The following QTMAN variants were observed in gnomAD, a reference collection of about 807,000 sequenced individuals.
QTMAN encodes the protein tRNA-queuosine alpha-mannosyltransferase.
chr2:144,324,130 T>G, the QTMAN span, among the ~76,000 whole-genome samples: 1 of 152,196 alleles, frequency 6.6e-6, no homozygotes, highest in East Asian at 1.9e-4. Context: ...AAGTGGAAAG[T>G]GATGAATCAT....
chr2:144,253,414 A>T, the QTMAN span, among the ~76,000 whole-genome samples: 1 of 152,308 alleles, frequency 6.6e-6, no homozygotes, highest in South Asian at 2.1e-4. Flanking sequence ...AGAGGTTGGA[A>T]CAGTTTGGAG....
At chr2:144,129,747 AT>A in the QTMAN span, among the ~76,000 whole-genome samples, 2 of 152,030 alleles carry the variant, frequency 1.3e-5, no homozygotes, top group Non-Finnish European at 2.9e-5. Context: ...ATTAAAAAGA[AT>A]TATAACTAGA....
At chr2:144,063,448 A>C in the QTMAN span, among the ~76,000 whole-genome samples, 1 of 152,210 alleles carries the variant, frequency 6.6e-6, no homozygotes, top group Non-Finnish European at 1.5e-5. Flanking sequence ...CAAATGCCTC[A>C]ATTACTTAAA....
chr2:144,230,964 G>A, the QTMAN span, among the ~76,000 whole-genome samples: 1 of 152,096 alleles, frequency 6.6e-6, no homozygotes, highest in Non-Finnish European at 1.5e-5. Context: ...CTAAAAAAGA[G>A]GAACTCATAT....
chr2:144,311,174 T>C, the QTMAN span, among the ~76,000 whole-genome samples: 6 of 152,216 alleles, frequency 3.9e-5, no homozygotes, highest in Admixed American at 6.5e-5. Context: ...CCTGGAGCCA[T>C]AGCTATTTAA....
the QTMAN span, among the ~76,000 whole-genome samples, chr2:144,193,662 A>T: frequency 6.6e-6 from 1 of 151,912 alleles, no homozygotes; most frequent in African/African-American, 2.4e-5. Flanking sequence ...CTGGAACTAC[A>T]GGTGCACACC....
the QTMAN span, among the ~76,000 whole-genome samples, chr2:144,302,480 T>C: frequency 1.3e-5 from 2 of 152,102 alleles, no homozygotes. Context: ...CAGAAAGGTG[T>C]ATCTTAGGAG....
At chr2:144,325,848 A>G in the QTMAN span, among the ~76,000 whole-genome samples, 3 of 152,364 alleles carry the variant, frequency 2.0e-5, no homozygotes, top group East Asian at 3.9e-4. Flanking sequence ...AGTTGCAGTC[A>G]TTGCATTTTT....
chr2:144,203,457 G>A, the QTMAN span, among the ~76,000 whole-genome samples: 6 of 152,260 alleles, frequency 3.9e-5, no homozygotes, highest in South Asian at 6.2e-4. Context: ...GAACTAGGCC[G>A]CGGTGTGTGC....
chr2:144,325,316 T>A, the QTMAN span, among the ~76,000 whole-genome samples: 3 of 152,206 alleles, frequency 2.0e-5, no homozygotes, highest in Non-Finnish European at 4.4e-5. Context: ...GGCTGTGGTG[T>A]ACCACCTAAA....
At chr2:144,295,617 T>C in the QTMAN span, among the ~76,000 whole-genome samples, 4 of 152,208 alleles carry the variant, frequency 2.6e-5, no homozygotes, top group South Asian at 2.1e-4. Context: ...TTTTTGTTTT[T>C]GTTTTTGTAT....
the QTMAN span, among the ~76,000 whole-genome samples, chr2:144,012,609 G>A: frequency 6.6e-6 from 1 of 152,206 alleles, no homozygotes; most frequent in African/African-American, 2.4e-5. Context: ...TGCCATGGTG[G>A]AATACACTCC....
the QTMAN span, among the ~76,000 whole-genome samples, chr2:144,329,280 T>C: frequency 1.5e-4 from 22 of 151,434 alleles, no homozygotes; most frequent in Non-Finnish European, 2.9e-4. Flanking sequence ...ATTATTCTGA[T>C]ATTAAAAAAA....
the QTMAN span, among the ~76,000 whole-genome samples, chr2:144,004,236 G>C: frequency 8.2e-4 from 125 of 152,104 alleles, no homozygotes; most frequent in African/African-American, 2.9e-3. Context: ...CAAGGATGGG[G>C]GAGGCTCAAA....
chr2:143,985,381 A>G, the QTMAN span, among the ~76,000 whole-genome samples: 1 of 152,260 alleles, frequency 6.6e-6, no homozygotes, highest in East Asian at 1.9e-4. Context: ...TAAGGAAATA[A>G]TCAGAAAGAT....
the QTMAN span, among the ~76,000 whole-genome samples, chr2:143,952,324 T>C: frequency 1.3e-5 from 2 of 151,620 alleles, no homozygotes; most frequent in African/African-American, 4.8e-5. Flanking sequence ...ACAATGCATA[T>C]GTGATATACT....
chr2:143,994,399 C>A, the QTMAN span, among the ~76,000 whole-genome samples: 12 of 152,028 alleles, frequency 7.9e-5, no homozygotes, highest in South Asian at 2.1e-4. Context: ...TCTAACCCCC[C>A]CAAAGTGAAA....
At chr2:143,952,723 GA>G in the QTMAN span, 1 of 1,179,534 alleles carries the variant, frequency 8.5e-7, no homozygotes, top group Non-Finnish European at 1.3e-6. Flanking sequence ...AATTTAGCAT[GA>G]ATCATATATT....
the QTMAN span, among the ~76,000 whole-genome samples, chr2:144,220,568 C>G: frequency 1.3e-5 from 2 of 152,152 alleles, no homozygotes; most frequent in Non-Finnish European, 2.9e-5. Context: ...TACAAACTAC[C>G]CAAAGCTGCA....
Sources: allele counts gnomAD v4.1 joint callset (sites outside exome capture counted in the v4.1 genomes callset), GRCh38; gene constraint gnomAD v4.1.1; transcripts MANE v1.5; gene names NCBI Gene and HGNC (gene_info 2026-07-23, HGNC 2026-07-21).